Variants in SOX6 observed in about 807,000 individuals in gnomAD.
SOX6 encodes the protein SRY-box transcription factor 6.
Under a neutral mutation model 97.8 loss-of-function variants are expected in SOX6, and 11 were observed. The observed-to-expected ratio is 0.11, with a 90% confidence interval of 0.07 to 0.19. SOX6 has a LOEUF of 0.19. Ranked by LOEUF, SOX6 falls within the 10% of genes least tolerant of loss-of-function variation. SOX6 has a pLI of 1.00. For synonymous variants in SOX6, 360 were observed against 371.4 expected (o/e 0.97, Z 0.35); for missense variants, 810 against 1,039.5 (o/e 0.78, Z 3.04).
intron 6 of SOX6, among the ~76,000 whole-genome samples, chr11:16,119,014 G>C (rs1310568065): frequency 6.6e-6 from 1 of 152,258 alleles, no homozygotes; most frequent in East Asian, 1.9e-4. Context: ...GGGAGAGAGA[G>C]AAGGTGGGAG....
chr11:16,553,134 A>C (rs954358319), intron 4 of SOX6, among the ~76,000 whole-genome samples: 2 of 152,202 alleles, frequency 1.3e-5, no homozygotes, highest in African/African-American at 4.8e-5. Context: ...TCCTCCTAGT[A>C]ATGCAGGACA....
intron 12 of SOX6, among the ~76,000 whole-genome samples, chr11:16,018,585 C>T (rs965534638): frequency 5.9e-5 from 9 of 152,126 alleles, no homozygotes; most frequent in African/African-American, 1.7e-4. Context: ...TTGATGTGCA[C>T]AGTATATTTT....
chr11:16,111,338 A>G (rs1590203239), intron 7 of SOX6, among the ~76,000 whole-genome samples: 1 of 152,362 alleles, frequency 6.6e-6, no homozygotes, highest in South Asian at 2.1e-4. Context: ...ATGAAAATCA[A>G]AAACAATTTT....
chr11:16,612,283 G>C (rs1362501074), intron 3 of SOX6: 1 of 146,560 alleles, frequency 6.8e-6, no homozygotes, highest in Non-Finnish European at 1.5e-5. Flanking sequence ...AAATCTACAC[G>C]TCACATCAGA....
At chr11:16,170,552 T>A (rs12576286) in intron 6 of SOX6, among the ~76,000 whole-genome samples, 6,088 of 151,994 alleles carry the variant, frequency 0.04, 516 homozygotes, top group East Asian at 0.37. Flanking sequence ...TGACGGTACA[T>A]CTCCCAGCTG....
chr11:16,594,752 G>A (rs535097764), intron 4 of SOX6, among the ~76,000 whole-genome samples: 1 of 132,138 alleles, frequency 7.6e-6, no homozygotes, highest in East Asian at 2.3e-4. Flanking sequence ...GTGCAGTGGC[G>A]TGATCTCGGC....
chr11:16,572,725 T>A (rs1294617544), intron 4 of SOX6, among the ~76,000 whole-genome samples: 1 of 152,180 alleles, frequency 6.6e-6, no homozygotes. Context: ...ACATGTTCAT[T>A]TATATCAAAT....
At chr11:16,527,077 C>A (rs1861178640) in intron 4 of SOX6, among the ~76,000 whole-genome samples, 1 of 152,048 alleles carries the variant, frequency 6.6e-6, no homozygotes, top group Non-Finnish European at 1.5e-5. Context: ...CACTCAGGAG[C>A]AACAGCCAGA....
At chr11:16,436,632 T>A (rs1399146514) in intron 1 of SOX6, among the ~76,000 whole-genome samples, 1 of 152,178 alleles carries the variant, frequency 6.6e-6, no homozygotes, top group Non-Finnish European at 1.5e-5. Flanking sequence ...AAATAGTTAA[T>A]CTTTCTAACT....
At chr11:16,210,905 G>A (rs1345458951) in intron 4 of SOX6, among the ~76,000 whole-genome samples, 1 of 152,182 alleles carries the variant, frequency 6.6e-6, no homozygotes, top group Non-Finnish European at 1.5e-5. Flanking sequence ...AGCTGAGTAG[G>A]TGGAAGAGGT....
intron 15 of SOX6, among the ~76,000 whole-genome samples, chr11:15,974,253 T>TCACC (rs149675839): frequency 6.6e-6 from 1 of 152,100 alleles, no homozygotes; most frequent in East Asian, 1.9e-4. Flanking sequence ...CAATTCTTAC[T>TCACC]CACCCTACAC....
intron 9 of SOX6, among the ~76,000 whole-genome samples, chr11:16,058,752 A>G (rs1321571849): frequency 6.6e-6 from 1 of 152,044 alleles, no homozygotes; most frequent in Non-Finnish European, 1.5e-5. Flanking sequence ...ACCATGGCAC[A>G]TCACTCATTC....
intron 3 of SOX6, among the ~76,000 whole-genome samples, chr11:16,622,378 G>A (rs1005249537): frequency 3.3e-5 from 5 of 152,140 alleles, no homozygotes; most frequent in East Asian, 1.9e-4. Context: ...CACCTGAGCC[G>A]TGTACACTGT....
At position 16,380,439 on chromosome 11, in the gene SOX6, C is replaced by G. The variant is rs1857777832; in HGVS notation, c.-4-39187G>C. Among the ~76,000 whole-genome samples, 3 of 151,844 alleles carry G rather than the reference C, an allele frequency of 2.0e-5. No individual in the cohort carries two copies. The South Asian group carries it at 6.2e-4, about 32-fold the overall frequency. Reference sequence around the variant, plus strand: ...CATATTTTCTGACTTTTTCCAATAACCATAGTTTGGTTTTTTAATCAGAAA... The same window carrying G: ...CATATTTTCTGACTTTTTCCAATAAGCATAGTTTGGTTTTTTAATCAGAAA... On this transcript the variant is annotated intron_variant, in intron 1 of 15. Coordinates refer to the SOX6 transcript ENST00000396356.
chr11:16,621,743 C>T (rs1848548284), intron 3 of SOX6, among the ~76,000 whole-genome samples: 1 of 152,136 alleles, frequency 6.6e-6, no homozygotes, highest in Admixed American at 6.5e-5. Flanking sequence ...AATAAGCCTT[C>T]ATTCTAAGTC....
intron 4 of SOX6, among the ~76,000 whole-genome samples, chr11:16,611,028 G>C (rs561618031): frequency 3.8e-4 from 58 of 152,318 alleles, no homozygotes; most frequent in Non-Finnish European, 7.5e-4. Flanking sequence ...CGAGCGGGTG[G>C]GGCTGACTTA....
chr11:16,184,086 A>T, intron 5 of SOX6, 132 bp from the exon 6 acceptor site: 1 of 810,756 alleles, frequency 1.2e-6, no homozygotes, highest in Non-Finnish European at 2.0e-6. Flanking sequence ...AAAATGAGAG[A>T]GGCCAAATCA....
intron 4 of SOX6, among the ~76,000 whole-genome samples, chr11:16,518,980 T>C (rs1330112673): frequency 1.3e-5 from 2 of 152,144 alleles, no homozygotes. Context: ...AAGTATATAC[T>C]ATTCATATCT....
intron 4 of SOX6, among the ~76,000 whole-genome samples, chr11:16,544,312 C>T (rs567813666): frequency 8.5e-5 from 13 of 152,132 alleles, no homozygotes; most frequent in East Asian, 1.9e-4. Flanking sequence ...CAGGCTAGAG[C>T]GCAGTGGCAT....
Sources: gnomAD v4.1 joint callset for allele counts (sites outside exome capture counted in the v4.1 genomes callset) on GRCh38, gnomAD v4.1.1 for gene constraint, MANE v1.5 for transcripts, NCBI Gene and HGNC (gene_info 2026-07-23, HGNC 2026-07-21) for gene names.